SORCS1: variants seen among roughly 807,000 people sequenced by gnomAD.
SORCS1 encodes VPS10 domain-containing receptor SorCS1.
A neutral mutation model predicts 146.1 loss-of-function variants in SORCS1; 60 were observed. That is an observed-to-expected ratio of 0.41 (90% CI 0.33 to 0.51). SORCS1 has a LOEUF of 0.51. SORCS1 is among the 20% of genes least tolerant of loss of function. SORCS1 has a pLI of 0.21. For missense variants in SORCS1, 1,352 were observed against 1,487.6 expected (o/e 0.91, Z 1.50); for synonymous variants, 637 against 584.0 (o/e 1.09, Z -1.31).
At chr10:106,928,455 C>T (rs745564410) in intron 2 of SORCS1, among the ~76,000 whole-genome samples, 12 of 152,322 alleles carry the variant, frequency 7.9e-5, no homozygotes, top group Admixed American at 2.0e-4. Context: ...AGCACAGCCC[C>T]GGTTTCCGCT....
intron 1 of SORCS1, among the ~76,000 whole-genome samples, chr10:107,106,028 C>G (rs1055137304): frequency 6.6e-6 from 1 of 152,138 alleles, no homozygotes; most frequent in African/African-American, 2.4e-5. Flanking sequence ...CATTCATAAG[C>G]TAGACTGGAT....
chr10:106,779,712 C>G (rs1218911230), intron 3 of SORCS1, among the ~76,000 whole-genome samples: 1 of 151,928 alleles, frequency 6.6e-6, no homozygotes, highest in Non-Finnish European at 1.5e-5. Flanking sequence ...GGTCTCGAAC[C>G]CCTGACCTCA....
At chr10:106,793,656 C>T (rs1212623379) in intron 3 of SORCS1, among the ~76,000 whole-genome samples, 1 of 151,992 alleles carries the variant, frequency 6.6e-6, no homozygotes, top group Non-Finnish European at 1.5e-5. Context: ...CAGCGTTAGG[C>T]AAAAGAAAAA....
intron 1 of SORCS1, among the ~76,000 whole-genome samples, chr10:107,127,350 A>G (rs1172742446): frequency 2.6e-5 from 4 of 151,914 alleles, no homozygotes; most frequent in Non-Finnish European, 5.9e-5. Flanking sequence ...ATTTTCCAGG[A>G]TATATCTGTT....
At chr10:106,622,596 C>T (rs1048617744) in intron 19 of SORCS1, among the ~76,000 whole-genome samples, 1 of 152,110 alleles carries the variant, frequency 6.6e-6, no homozygotes, top group South Asian at 2.1e-4. Flanking sequence ...GATCTTCTGG[C>T]CTATAAAGCA....
chr10:107,153,560 G>A (rs182909872), intron 1 of SORCS1, among the ~76,000 whole-genome samples: 1 of 152,242 alleles, frequency 6.6e-6, no homozygotes, highest in East Asian at 1.9e-4. Context: ...TAAACAAAAG[G>A]CCTGGTAGCA....
At chr10:106,674,262 G>A (rs762747200) in intron 14 of SORCS1, among the ~76,000 whole-genome samples, 16 of 138,850 alleles carry the variant, frequency 1.2e-4, no homozygotes, top group Admixed American at 3.1e-4. Context: ...CCAGGAGGCA[G>A]AGCCTGCAAT....
chr10:106,966,569 A>G (rs1336044960), intron 1 of SORCS1, among the ~76,000 whole-genome samples: 1 of 152,240 alleles, frequency 6.6e-6, no homozygotes, highest in African/African-American at 2.4e-5. Flanking sequence ...TGAGGAAATT[A>G]AAAGGCAAGC....
rs148221016 is a variant in SORCS1 at position 107,082,617 on chromosome 10, G to A, written c.558+81352C>T. Among the ~76,000 whole-genome samples the A allele has an allele frequency of 6.5e-3, 993 of 152,072 alleles. 15 individuals are homozygous for A. The highest frequency in any genetic ancestry group is 0.023 in the African/African-American group (939 of 41,456). ...CTCACTCAGCCTCCAAAGTAGCTGG[G>A]ATTACAGGTTTGTGCCACTACAGCT... On this transcript the variant is annotated intron_variant, in intron 1 of 25. Transcript: ENST00000263054.
At chr10:106,652,256 A>G (rs1362930898) in intron 18 of SORCS1, 126 bp downstream of exon 18, 1 of 994,094 alleles carries the variant, frequency 1.0e-6, no homozygotes, top group Non-Finnish European at 1.4e-6. Flanking sequence ...AACTAAAAGT[A>G]AAATAAAAAT....
chr10:106,895,068 T>C (rs1294269577), intron 2 of SORCS1, among the ~76,000 whole-genome samples: 2 of 152,214 alleles, frequency 1.3e-5, no homozygotes, highest in Admixed American at 1.3e-4. Flanking sequence ...CAAGCTTTCA[T>C]ACTGTACTCA....
intron 18 of SORCS1, among the ~76,000 whole-genome samples, chr10:106,647,607 T>A (rs1177589779): frequency 6.6e-6 from 1 of 152,178 alleles, no homozygotes. Flanking sequence ...CAATTCAGCG[T>A]GAAATGAACA....
chr10:106,790,710 CA>C (rs1946278369), intron 3 of SORCS1, among the ~76,000 whole-genome samples: 3 of 152,128 alleles, frequency 2.0e-5, no homozygotes, highest in Admixed American at 6.5e-5. Flanking sequence ...GGGTTGGTTT[CA>C]AATTCAGAAT....
At position 106,654,334 on chromosome 10, in the gene SORCS1, A is replaced by G. The variant is rs893842141; in HGVS notation, c.2304-1781T>C. Among the ~76,000 whole-genome samples, 3 of 152,230 alleles carry G rather than the reference A, an allele frequency of 2.0e-5. 1 individual carries two copies. The highest frequency in any genetic ancestry group is 1.3e-4 in the Admixed American group (2 of 15,284). The stretch of plus-strand genomic sequence containing the variant: ...GAATTGAGATTCATAGGTGTCAACT[A>G]GTTTTCTCAAGATCAAATAGCCAGG... On this transcript the variant is annotated intron_variant, in intron 17 of 25. Coordinates refer to ENST00000263054, the MANE Select transcript of SORCS1 (RefSeq NM_052918.5).
At chr10:106,978,385 A>C (rs766006173) in intron 1 of SORCS1, among the ~76,000 whole-genome samples, 19 of 152,246 alleles carry the variant, frequency 1.2e-4, no homozygotes, top group African/African-American at 4.6e-4. Context: ...TGTATAATAA[A>C]GTATGGAAAA....
In SORCS1 at chr10:106,679,705, C is replaced by T. The variant is rs1418834009; in HGVS notation, c.1590G>A (p.Lys530=). 1 of 1,611,798 alleles carries T rather than the reference C, an allele frequency of 6.2e-7. No homozygotes were observed. Among genetic ancestry groups the T allele is most frequent in the African/African-American group, 1.3e-5 (1 of 74,826 alleles). The change falls in exon 11 of 26, where the codon AAG becomes AAA. Residue 530 remains lysine (K), a synonymous_variant. Transcript: ENST00000263054. ...CTGATGTGTAGGGATTCTCAGAGAC[C>T]TTCAGGTGAAGGTGTAGTGAGCAAT... The part of the protein sequence containing the change: ...LPYCSLHLHL[K]VSENPYTSGI...
intron 2 of SORCS1, among the ~76,000 whole-genome samples, chr10:106,861,750 G>A (rs544023461): frequency 7.2e-5 from 11 of 151,788 alleles, no homozygotes; most frequent in South Asian, 2.1e-4. Context: ...TTAGCCAGGC[G>A]TGGTGGCATG....
chr10:106,955,151 A>G (rs1407959217), intron 2 of SORCS1, among the ~76,000 whole-genome samples: 1 of 152,182 alleles, frequency 6.6e-6, no homozygotes, highest in Non-Finnish European at 1.5e-5. Flanking sequence ...AGGAGAGAAG[A>G]GCTATGACCC....
rs138932477 is a variant in SORCS1 at position 106,816,095 on chromosome 10, C to T, written c.726+13479G>A. On this transcript the variant is annotated intron_variant, in intron 3 of 25. Coordinates refer to ENST00000263054, the MANE Select transcript of SORCS1 (RefSeq NM_052918.5). The stretch of plus-strand genomic sequence containing the variant: ...TAATTTGGTTGGTAGAATTTGGGTT[C>T]GAATCCCATTAAAATGTCAGCAGCA... Among the ~76,000 whole-genome samples, 175 of 152,166 alleles carry T rather than the reference C, an allele frequency of 1.2e-3. 1 individual carries two copies. The East Asian group carries it at 0.028, about 25-fold the overall frequency.
Sources: gnomAD v4.1 joint callset for allele counts (sites outside exome capture counted in the v4.1 genomes callset) on GRCh38, gnomAD v4.1.1 for gene constraint, MANE v1.5 for transcripts, NCBI Gene and HGNC (gene_info 2026-07-23, HGNC 2026-07-21) for gene names.